INTS12: variants seen among roughly 807,000 people sequenced by gnomAD.
INTS12 encodes the protein integrator complex subunit 12, also known as PHD finger protein 22.
INTS12 carries 13 observed loss-of-function variants against 41.6 expected under a neutral mutation model. That is an observed-to-expected ratio of 0.31 (90% CI 0.20 to 0.50). The LOEUF (loss-of-function observed/expected upper bound fraction) is 0.50. INTS12 is among the 20% of genes least tolerant of loss of function. INTS12 has a pLI of 0.98. For synonymous variants in INTS12, 199 were observed against 191.4 expected, an observed-to-expected ratio of 1.04 and a Z score of -0.33; for missense variants, 432 against 541.6, an observed-to-expected ratio of 0.80 and a Z score of 2.01.
intron 3 of INTS12, among the ~76,000 whole-genome samples, chr4:105,698,448 G>C (rs1731947301): frequency 6.6e-6 from 1 of 152,192 alleles, no homozygotes; most frequent in African/African-American, 2.4e-5. Context: ...CTGATCAAGA[G>C]AAATGAACTC....
At chr4:105,692,216 G>C (rs2149182056) in intron 5 of INTS12, 81 bp from the exon 6 acceptor site, 2 of 1,349,458 alleles carry the variant, frequency 1.5e-6, no homozygotes, top group East Asian at 5.1e-5. Context: ...AGGTGTGCTG[G>C]CTCATGCCTG....
intron 1 of INTS12, among the ~76,000 whole-genome samples, chr4:105,707,359 CTCTGAGTACTTTAAGGGCAGAG>C (rs1732321345): frequency 6.7e-6 from 1 of 150,142 alleles, no homozygotes; most frequent in Admixed American, 6.7e-5. Flanking sequence ...CCCTACAAAA[CTCTGAGTACTTTAAGGGCAGAG>C]TCTATATTTA....
At chr4:105,704,274 T>A (rs989140825) in intron 1 of INTS12, among the ~76,000 whole-genome samples, 9 of 152,210 alleles carry the variant, frequency 5.9e-5, no homozygotes, top group Admixed American at 5.9e-4. Flanking sequence ...CCTACTTCTT[T>A]GTCAGTCATC....
chr4:105,707,896 C>T (rs1052053782), intron 1 of INTS12: 17 of 894,164 alleles, frequency 1.9e-5, no homozygotes, highest in Non-Finnish European at 2.1e-5. Flanking sequence ...TGTGCTTTCT[C>T]CTAGATCCAT....
At chr4:105,702,135 T>C (rs1005946252) in intron 2 of INTS12, among the ~76,000 whole-genome samples, 10 of 139,740 alleles carry the variant, frequency 7.2e-5, no homozygotes, top group Admixed American at 1.4e-4. Flanking sequence ...TATTTCTTTT[T>C]TTTTTTTTTT....
chr4:105,703,936 G>A (rs1732172602), intron 1 of INTS12, 127 bp from the exon 2 acceptor site: 1 of 151,620 alleles, frequency 6.6e-6, no homozygotes, highest in African/African-American at 2.4e-5. Context: ...AGCTCTCTAT[G>A]TAGTGTCACC....
At chr4:105,693,252 T>G (rs1259625707) in intron 5 of INTS12, 47 bp downstream of exon 5, 1 of 1,437,612 alleles carries the variant, frequency 7.0e-7, no homozygotes, top group East Asian at 2.3e-5. Flanking sequence ...AAGGGTCATG[T>G]GTTCTTTATA....
At chr4:105,698,392 A>C (rs1731945111) in intron 3 of INTS12, among the ~76,000 whole-genome samples, 1 of 152,208 alleles carries the variant, frequency 6.6e-6, no homozygotes, top group South Asian at 2.1e-4. Context: ...GCTAAAATTA[A>C]ATGGACCTGG....
intron 1 of INTS12, chr4:105,708,437 C>A (rs1422167763): frequency 1.0e-6 from 1 of 985,466 alleles, no homozygotes; most frequent in Non-Finnish European, 1.2e-6. Flanking sequence ...ATGTCCCGGC[C>A]CGCAACTCCC....
chr4:105,691,813 A>G lies in INTS12; in HGVS notation c.657+163T>C, dbSNP rs558198754. On this transcript the variant is annotated intron_variant, in intron 6 of 7. Coordinates refer to ENST00000340139, the MANE Select transcript of INTS12 (RefSeq NM_020395.4). ...CACATAACATGGTCTGGTCTTTAGC[A>G]ATAGAAATATTAATCACATGTACAT... Among the ~76,000 whole-genome samples, 7 of 152,362 alleles carry G rather than the reference A, an allele frequency of 4.6e-5. No homozygotes were observed. The East Asian group carries it at 9.6e-4, about 21-fold the overall frequency.
chr4:105,685,851 T>C (rs1325932618), intron 7 of INTS12, among the ~76,000 whole-genome samples: 2 of 152,056 alleles, frequency 1.3e-5, no homozygotes, highest in African/African-American at 4.8e-5. Flanking sequence ...ATGAGAAAGG[T>C]GATACCCTCA....
chr4:105,707,316 ATT>A (rs34994709), intron 1 of INTS12, among the ~76,000 whole-genome samples: 45 of 140,588 alleles, frequency 3.2e-4, no homozygotes, highest in Non-Finnish European at 3.3e-4. Flanking sequence ...CCCTTGAAGC[ATT>A]TTTTTTTTTT....
intron 7 of INTS12, among the ~76,000 whole-genome samples, 178 bp downstream of exon 7, chr4:105,686,514 G>A (rs1731502238): frequency 6.6e-6 from 1 of 152,146 alleles, no homozygotes. Flanking sequence ...CAGAGTTAGA[G>A]ATTAATTAAT....
At chr4:105,696,014 G>A (rs116514173) in intron 3 of INTS12, among the ~76,000 whole-genome samples, 20,763 of 151,908 alleles carry the variant, frequency 0.14, 2,123 homozygotes, top group African/African-American at 0.29. Context: ...ACCACACCCG[G>A]CTGATTTTTG....
intron 6 of INTS12, among the ~76,000 whole-genome samples, chr4:105,690,439 A>C (rs1303956160): frequency 6.7e-6 from 1 of 150,304 alleles, no homozygotes; most frequent in Non-Finnish European, 1.5e-5. Context: ...ATAAAAGAGA[A>C]ATGAATAGAT....
Position 105,707,360 on chromosome 4 carries a change from T to A in INTS12, c.-172+1278A>T, listed in dbSNP as rs182240174. Among the ~76,000 whole-genome samples, 8 of 151,836 alleles carry A rather than the reference T, an allele frequency of 5.3e-5. No homozygotes were observed. The East Asian group carries it at 1.5e-3, about 29-fold the overall frequency. On this transcript the variant is annotated intron_variant, in intron 1 of 7. Transcript: ENST00000340139. ...ACAAGTGTTATGTCCCCTACAAAAC[T>A]CTGAGTACTTTAAGGGCAGAGTCTA...
chr4:105,695,174 C>T (rs1731817581), intron 4 of INTS12, among the ~76,000 whole-genome samples: 2 of 152,082 alleles, frequency 1.3e-5, no homozygotes, highest in African/African-American at 4.8e-5. Context: ...AGCAGTCTAC[C>T]TGCCTCGGCC....
At chr4:105,692,542 T>C (rs1731728365) in intron 5 of INTS12, among the ~76,000 whole-genome samples, 1 of 149,604 alleles carries the variant, frequency 6.7e-6, no homozygotes, top group Admixed American at 6.6e-5. Flanking sequence ...GTTTGGTATA[T>C]TAAAAAGAAA....
At chr4:105,704,657 C>T (rs1732202359) in intron 1 of INTS12, among the ~76,000 whole-genome samples, 1 of 152,184 alleles carries the variant, frequency 6.6e-6, no homozygotes, top group Admixed American at 6.5e-5. Flanking sequence ...TCATTGGTGC[C>T]TCCTATGCAA....
Sources: gnomAD v4.1 joint callset for allele counts (sites outside exome capture counted in the v4.1 genomes callset) on GRCh38, gnomAD v4.1.1 for gene constraint, MANE v1.5 for transcripts, NCBI Gene and HGNC (gene_info 2026-07-23, HGNC 2026-07-21) for gene names.